ERC2: variants seen among roughly 807,000 people sequenced by gnomAD.
The protein encoded by ERC2 is ELKS/RAB6-interacting/CAST family member 2, also known as ERC protein 2.
Under a neutral mutation model 114.8 loss-of-function variants are expected in ERC2, and 42 were observed. The ratio of observed to expected loss-of-function variants is 0.37; its 90% confidence interval spans 0.29 to 0.47. The LOEUF (loss-of-function observed/expected upper bound fraction) is 0.47, where lower values mean the gene tolerates loss of function less well. Ranked by LOEUF, ERC2 falls within the 20% of genes least tolerant of loss-of-function variation. The probability of loss-of-function intolerance (pLI) is 0.99; values close to 1 mark genes in which losing one functional copy is unlikely to be tolerated. For synonymous variants in ERC2, 454 were observed against 425.5 expected, an observed-to-expected ratio of 1.07 and a Z score of -0.82; for missense variants, 939 against 1,150.7, an observed-to-expected ratio of 0.82 and a Z score of 2.66.
In ERC2 at chr3:56,156,332, C is replaced by T. The variant is rs112853899; in HGVS notation, c.1150-7200G>A. Among the ~76,000 whole-genome samples the T allele has an allele frequency of 3.3e-3, 496 of 152,198 alleles. 1 individual carries two copies. Among genetic ancestry groups the T allele is most frequent in the African/African-American group, 0.012 (479 of 41,540 alleles). ...ATTGGTGACATGAGGGTAGTTTCAT[C>T]GGAGTTGTGTTGCCATAATTGGAAA... On this transcript the variant is annotated intron_variant, in intron 4 of 17. Transcript: ENST00000288221.
chr3:55,862,899 C>T (rs982721070), intron 14 of ERC2, among the ~76,000 whole-genome samples: 3 of 152,082 alleles, frequency 2.0e-5, no homozygotes, highest in African/African-American at 7.2e-5. Flanking sequence ...CCATACTTGC[C>T]GTTGGTTGGG....
chr3:56,409,556 G>A (rs2060861612), intron 2 of ERC2, among the ~76,000 whole-genome samples: 1 of 151,634 alleles, frequency 6.6e-6, no homozygotes, highest in Non-Finnish European at 1.5e-5. Context: ...CAAAGGGCTG[G>A]TGATATTTAA....
intron 16 of ERC2, among the ~76,000 whole-genome samples, chr3:55,697,309 T>G (rs1170327754): frequency 6.6e-6 from 1 of 152,158 alleles, no homozygotes; most frequent in African/African-American, 2.4e-5. Flanking sequence ...ATGGGTTGCT[T>G]AGAGTGTTCA....
chr3:56,311,888 T>G (rs1233996130), intron 2 of ERC2, among the ~76,000 whole-genome samples: 1 of 151,532 alleles, frequency 6.6e-6, no homozygotes, highest in Non-Finnish European at 1.5e-5. Flanking sequence ...GCTCTCCATA[T>G]GCACAGGTCC....
chr3:55,624,672 G>A (rs1031628019), intron 17 of ERC2, among the ~76,000 whole-genome samples: 3 of 152,196 alleles, frequency 2.0e-5, no homozygotes, highest in African/African-American at 7.2e-5. Context: ...TGGAAACCCA[G>A]CTTTTTCCTC....
rs536352139 is a variant in ERC2, at chr3:56,453,332, G to T, written c.-141+14916C>A. On this transcript the variant is annotated intron_variant, in intron 1 of 17. Transcript: ENST00000288221. Reference sequence around the variant, plus strand: ...CATGAAGATAGGCTGTCCAAGAAAGGCTCCTTCAGCCTGTGTCCCAGAATA... The same window carrying T: ...CATGAAGATAGGCTGTCCAAGAAAGTCTCCTTCAGCCTGTGTCCCAGAATA... Among the ~76,000 whole-genome samples the T allele has an allele frequency of 6.2e-4, 95 of 152,242 alleles. 1 individual carries two copies. Among genetic ancestry groups the T allele is most frequent in the South Asian group, 1.5e-3 (7 of 4,824 alleles).
intron 15 of ERC2, among the ~76,000 whole-genome samples, chr3:55,729,063 T>G (rs732887): frequency 1.3e-5 from 2 of 151,960 alleles, no homozygotes; most frequent in Non-Finnish European, 2.9e-5. Flanking sequence ...ATAGTAGTGA[T>G]GAGGGGAGCC....
chr3:56,213,599 G>C (rs927036148), intron 3 of ERC2, among the ~76,000 whole-genome samples: 2 of 152,222 alleles, frequency 1.3e-5, no homozygotes, highest in African/African-American at 4.8e-5. Flanking sequence ...GCAGAGCATA[G>C]CCAAACAAAA....
chr3:55,607,609 AGT>A (rs201161164), intron 17 of ERC2, among the ~76,000 whole-genome samples: 5 of 84,674 alleles, frequency 5.9e-5, no homozygotes, highest in South Asian at 6.3e-4. Flanking sequence ...CTTAGAAAAT[AGT>A]GTGTTTTTTT....
intron 14 of ERC2, among the ~76,000 whole-genome samples, chr3:55,765,240 A>G (rs1329687658): frequency 6.6e-6 from 1 of 152,242 alleles, no homozygotes; most frequent in Non-Finnish European, 1.5e-5. Flanking sequence ...AAATCAAATT[A>G]TGCAAAATAC....
intron 14 of ERC2, among the ~76,000 whole-genome samples, chr3:55,793,230 T>G (rs757295178): frequency 2.6e-5 from 4 of 152,174 alleles, no homozygotes; most frequent in Non-Finnish European, 5.9e-5. Context: ...ACTCTGCAAA[T>G]ATTTTTAATA....
intron 12 of ERC2, among the ~76,000 whole-genome samples, chr3:55,958,449 G>A (rs1217599466): frequency 6.6e-6 from 1 of 152,174 alleles, no homozygotes; most frequent in East Asian, 1.9e-4. Context: ...CCCAGAACAG[G>A]CAGCCCAGCC....
chr3:55,612,319 CTG>C (rs1431183317), intron 17 of ERC2, among the ~76,000 whole-genome samples: 1 of 152,192 alleles, frequency 6.6e-6, no homozygotes, highest in Non-Finnish European at 1.5e-5. Flanking sequence ...TCAGCATGAA[CTG>C]AGAGAGGGGC....
At chr3:56,052,913 G>C (rs1329040047) in intron 7 of ERC2, among the ~76,000 whole-genome samples, 1 of 152,116 alleles carries the variant, frequency 6.6e-6, no homozygotes, top group Non-Finnish European at 1.5e-5. Context: ...CACACCTCCA[G>C]CCTCTCATCT....
intron 1 of ERC2, among the ~76,000 whole-genome samples, chr3:56,436,464 T>C (rs1299025362): frequency 6.6e-6 from 1 of 152,206 alleles, no homozygotes; most frequent in African/African-American, 2.4e-5. Context: ...TTCACCTGCC[T>C]ATCATTCATC....
intron 3 of ERC2, among the ~76,000 whole-genome samples, chr3:56,177,564 C>A (rs1252537653): frequency 2.0e-5 from 3 of 152,282 alleles, no homozygotes; most frequent in African/African-American, 7.2e-5. Context: ...GAAATGGACA[C>A]AAAAGCACAT....
intron 2 of ERC2, among the ~76,000 whole-genome samples, chr3:56,398,166 C>T (rs1424418107): frequency 6.6e-6 from 1 of 152,220 alleles, no homozygotes; most frequent in African/African-American, 2.4e-5. Flanking sequence ...TCATAAGTTA[C>T]TTCCAATGCT....
intron 4 of ERC2, among the ~76,000 whole-genome samples, chr3:56,161,519 A>C (rs973663328): frequency 3.9e-5 from 6 of 151,946 alleles, no homozygotes; most frequent in African/African-American, 1.4e-4. Context: ...TGATTTGTCC[A>C]CTCTATGAGC....
intron 14 of ERC2, among the ~76,000 whole-genome samples, chr3:55,795,753 T>A (rs908313779): frequency 6.6e-6 from 1 of 152,182 alleles, no homozygotes; most frequent in African/African-American, 2.4e-5. Context: ...ACTTCCTAGC[T>A]GCATGACCTT....
Sources: gnomAD v4.1 joint callset for allele counts (sites outside exome capture counted in the v4.1 genomes callset) on GRCh38, gnomAD v4.1.1 for gene constraint, MANE v1.5 for transcripts, NCBI Gene and HGNC (gene_info 2026-07-23, HGNC 2026-07-21) for gene names.